Variants in ABCA9 observed in about 807,000 individuals in gnomAD.
ABCA9 encodes the protein ATP-binding cassette sub-family A member 9.
A neutral mutation model predicts 205.3 loss-of-function variants in ABCA9; 183 were observed. The observed-to-expected ratio is 0.89, with a 90% CI of 0.79 to 1.01. ABCA9 has a LOEUF of 1.01. Among genes scored for constraint, ABCA9 ranks in the 50% least tolerant of loss-of-function variants. ABCA9 has a pLI of 0.00. For synonymous variants in ABCA9, 651 were observed against 683.3 expected, an observed-to-expected ratio of 0.95 and a Z score of 0.74; for missense variants, 1,805 against 1,912.4, an observed-to-expected ratio of 0.94 and a Z score of 1.05.
intron 25 of ABCA9, among the ~76,000 whole-genome samples, chr17:69,004,526 AG>A (rs1183019073): frequency 6.6e-6 from 1 of 152,248 alleles, no homozygotes; most frequent in East Asian, 1.9e-4. Context: ...GCTGTCAGAC[AG>A]GGACATTTAA....
In ABCA9 at chr17:69,027,138, G is replaced by A. The variant is rs181775620; in HGVS notation, c.1912-24C>T. On this transcript the variant is annotated intron_variant, in intron 14 of 38. Transcript: ENST00000340001. ...ACCTGGACAGGAGGAAAGTCCTAAAGTAATTCCACCCTTTCGGATAAGATC... is the reference window on the plus strand; with the variant it reads ...ACCTGGACAGGAGGAAAGTCCTAAAATAATTCCACCCTTTCGGATAAGATC... 644 of 1,611,514 alleles carry A rather than the reference G, an allele frequency of 4.0e-4. 5 individuals are homozygous for A. Among genetic ancestry groups the A allele is most frequent in the Non-Finnish European group, 3.1e-5 (37 of 1,179,316 alleles).
At chr17:68,986,909 G>T (rs1266936402) in intron 31 of ABCA9, among the ~76,000 whole-genome samples, 2 of 152,220 alleles carry the variant, frequency 1.3e-5, no homozygotes, top group East Asian at 3.9e-4. Flanking sequence ...TAATATCGAG[G>T]TTGAGAAATT....
chr17:68,990,033 T>C, intron 29 of ABCA9, 103 bp from the exon 30 acceptor site: 1 of 785,942 alleles, frequency 1.3e-6, no homozygotes, highest in Non-Finnish European at 2.1e-6. Context: ...AAATCATGAA[T>C]CAAACCACTT....
In ABCA9 at chr17:68,975,606, G is replaced by T. The variant is rs575444665; in HGVS notation, c.*309C>A. 2.5e-5 allele frequency: 5 copies of T among 197,564 alleles called. No homozygotes were observed. Among genetic ancestry groups the T allele is most frequent in the Non-Finnish European group, 5.1e-5 (5 of 98,024 alleles). The allele number at this position is 197,564 out of a possible 1,614,324, so 12.2% of individuals were successfully genotyped here. On this transcript the variant is annotated 3_prime_UTR_variant, in exon 39 of 39. Transcript: ENST00000340001. ...TTGAAGTTCAGAGAAAGAAAATTAA[G>T]CATTCTCCATGACATCCTCAGAAAT...
At chr17:69,052,604 T>C (rs2071943067) in intron 1 of ABCA9, among the ~76,000 whole-genome samples, 1 of 152,188 alleles carries the variant, frequency 6.6e-6, no homozygotes, top group Admixed American at 6.5e-5. Context: ...ATAAAACACT[T>C]CTGATAACAA....
At position 69,037,835 on chromosome 17, in the gene ABCA9, A is replaced by T. The variant is rs539517948; in HGVS notation, c.801-2034T>A. Among the ~76,000 whole-genome samples the T allele has an allele frequency of 1.4e-3, 208 of 152,280 alleles. 1 individual carries two copies. Among genetic ancestry groups the T allele is most frequent in the Non-Finnish European group, 2.3e-3 (159 of 68,024 alleles). Reference sequence around the variant, plus strand: ...TAGACTTCTAGTCAGACTAATAAAGAAGAAAAGAGAGAAGAATCAAATAGA... The same window carrying T: ...TAGACTTCTAGTCAGACTAATAAAGTAGAAAAGAGAGAAGAATCAAATAGA... On this transcript the variant is annotated intron_variant, in intron 6 of 38. Transcript: ENST00000340001.
At position 68,989,100 on chromosome 17, in the gene ABCA9, A is replaced by G. The variant is rs2069351261; in HGVS notation, c.3974T>C (p.Leu1325Ser). The change falls in exon 31 of 39, where the codon TTA (leucine) becomes TCA (serine). Residue 1325 changes from leucine to serine, a missense_variant. Leu to Ser is a moderately radical substitution (Grantham distance 145). Coordinates refer to ENST00000340001, the MANE Select transcript of ABCA9 (RefSeq NM_080283.4). ...ACTTTTACCAGCTCCATTGTGTCCT[A>G]ACAGTCCTATAACTTCACCTGAAAG... The part of the protein sequence containing the change: ...CVKKGEVIGL[L>S]GHNGAGKSTT... 1 of 1,612,036 alleles carries G rather than the reference A, an allele frequency of 6.2e-7. No individual in the cohort carries two copies. The highest frequency in any genetic ancestry group is 8.5e-7 in the Non-Finnish European group (1 of 1,178,296).
At chr17:69,052,821 A>G (rs569818657) in intron 1 of ABCA9, among the ~76,000 whole-genome samples, 2 of 152,214 alleles carry the variant, frequency 1.3e-5, no homozygotes, top group African/African-American at 4.8e-5. Context: ...CTGACTGGCT[A>G]TATATTAGGG....
At chr17:69,021,156 G>A (rs540852665) in intron 18 of ABCA9, among the ~76,000 whole-genome samples, 8 of 151,942 alleles carry the variant, frequency 5.3e-5, no homozygotes, top group Non-Finnish European at 1.0e-4. Flanking sequence ...CTTCAAAAAT[G>A]AATAAGAGAG....
chr17:69,035,873 A>G (rs2071320716), intron 6 of ABCA9, 72 bp from the exon 7 acceptor site: 6 of 1,511,422 alleles, frequency 4.0e-6, no homozygotes. Flanking sequence ...TATTCAGCAA[A>G]TGATTTGTGA....
Position 69,028,614 on chromosome 17 carries a change from G to C in ABCA9, c.1536C>G (p.Ile512Met). Residue 512 changes from isoleucine to methionine, a missense_variant, in exon 12 of 39, where the codon ATC becomes ATG. By Grantham distance (10) the Ile-to-Met change is conservative. Coordinates refer to ENST00000340001, the MANE Select transcript of ABCA9 (RefSeq NM_080283.4). Reference sequence around the variant, plus strand: ...CTCCACTGTGACCAAGGAGGGCAGTGATCTGGCCTTCATATATGTCAAACA... The same window carrying C: ...CTCCACTGTGACCAAGGAGGGCAGTCATCTGGCCTTCATATATGTCAAACA... Reference protein sequence around the residue: ...GVVFDIYEGQITALLGHSGAG... With the variant: ...GVVFDIYEGQMTALLGHSGAG... 6.2e-7 allele frequency: 1 copy of C among 1,607,768 alleles called. No individual in the cohort carries two copies. The highest frequency in any genetic ancestry group is 1.1e-5 in the South Asian group (1 of 90,222).
intron 6 of ABCA9, among the ~76,000 whole-genome samples, chr17:69,037,243 C>A (rs2071375136): frequency 6.6e-6 from 1 of 152,086 alleles, no homozygotes; most frequent in Non-Finnish European, 1.5e-5. Flanking sequence ...ACTCTCCACC[C>A]AAAATCAACA....
At chr17:69,044,907 T>C (rs2071658839) in intron 4 of ABCA9, among the ~76,000 whole-genome samples, 1 of 149,924 alleles carries the variant, frequency 6.7e-6, no homozygotes, top group African/African-American at 2.4e-5. Flanking sequence ...AAGAAAATGT[T>C]TGGGAATCAA....
At chr17:68,989,660 G>GTTATCAT (rs747094762) in intron 30 of ABCA9, among the ~76,000 whole-genome samples, 153 bp downstream of exon 30, 5 of 151,854 alleles carry the variant, frequency 3.3e-5, no homozygotes, top group Non-Finnish European at 7.4e-5. Context: ...AAAAAAGGTC[G>GTTATCAT]TTATCATTTC....
chr17:69,032,046 C>T, intron 10 of ABCA9, 62 bp downstream of exon 10: 1 of 1,499,062 alleles, frequency 6.7e-7, no homozygotes, highest in African/African-American at 1.4e-5. Context: ...TAGTGTGTCA[C>T]CTGACAGATC....
chr17:69,022,336 T>C (rs2070840764), intron 17 of ABCA9: 1 of 152,012 alleles, frequency 6.6e-6, no homozygotes, highest in Non-Finnish European at 1.5e-5. Context: ...TCTATTTTTT[T>C]TTTTTTGAGA....
rs2071296834 is a variant in ABCA9, at chr17:69,035,323, A to G, written c.1051T>C (p.Tyr351His). Residue 351 changes from tyrosine (Y) to histidine (H), a missense_variant, in exon 8 of 39, where the codon TAT (tyrosine) becomes CAT (histidine). Tyr to His is a moderately conservative substitution (Grantham distance 83). Transcript: ENST00000340001. ...FWGILGFPALYTRLPAFLEWT... is the reference protein window; with the variant it reads ...FWGILGFPALHTRLPAFLEWT... ...TCCAAAAATGCAGGAAGACGTGTAT[A>G]CAATGCTGGGAATCCCAGGATCCCC... The G allele has an allele frequency of 6.2e-7, 1 of 1,610,992 alleles. No homozygotes were observed. Among genetic ancestry groups the G allele is most frequent in the Non-Finnish European group, 8.5e-7 (1 of 1,178,398 alleles).
At chr17:69,001,165 G>T (rs1469748595) in intron 25 of ABCA9, among the ~76,000 whole-genome samples, 1 of 151,424 alleles carries the variant, frequency 6.6e-6, no homozygotes. Flanking sequence ...TGTTGAATAG[G>T]AGTGGTGAGA....
chr17:69,054,118 G>T (rs1399038882), intron 1 of ABCA9, among the ~76,000 whole-genome samples: 1 of 152,156 alleles, frequency 6.6e-6, no homozygotes, highest in Non-Finnish European at 1.5e-5. Context: ...AGATGAAAGA[G>T]AAGTACTTTC....
Sources: gnomAD v4.1 joint callset for allele counts (sites outside exome capture counted in the v4.1 genomes callset) on GRCh38, gnomAD v4.1.1 for gene constraint, MANE v1.5 for transcripts, NCBI Gene and HGNC (gene_info 2026-07-23, HGNC 2026-07-21) for gene names.